GSN: variants seen among roughly 807,000 people sequenced by gnomAD.
GSN encodes the protein gelsolin, also known as actin-depolymerizing factor.
Under a neutral mutation model 85.7 loss-of-function variants are expected in GSN, and 56 were observed. The observed-to-expected ratio is 0.65, with a 90% CI of 0.53 to 0.82. The LOEUF (loss-of-function observed/expected upper bound fraction) is 0.82. GSN is among the 40% of genes least tolerant of loss of function. GSN has a pLI of 0.00. For synonymous variants in GSN, 373 were observed against 399.1 expected (o/e 0.93, Z 0.78); for missense variants, 857 against 979.8 (o/e 0.87, Z 1.67).
intron 4 of GSN, among the ~76,000 whole-genome samples, chr9:121,216,118 T>C (rs889430084): frequency 2.0e-4 from 30 of 152,186 alleles, no homozygotes; most frequent in African/African-American, 7.2e-4. Flanking sequence ...TGGCTAATTT[T>C]TGTATTTTTA....
chr9:121,323,570 A>G (rs1359853298), intron 11 of GSN, among the ~76,000 whole-genome samples: 4 of 151,898 alleles, frequency 2.6e-5, no homozygotes, highest in Non-Finnish European at 1.5e-5. Context: ...GAGTTTCACC[A>G]TGTTGGGCAG....
rs1588921844 is a variant in GSN at position 121,299,708 on chromosome 9, G to A, written c.-9-2255G>A. ...GCGCCCTGTCGGGTCGATCCGGGTG[G>A]GAACCCAGATGTCTCCAAGATCCGA... On this transcript the variant is annotated intron_variant, in intron 2 of 17. Coordinates refer to ENST00000432226, the MANE Select transcript of GSN (RefSeq NM_198252.3). This position sits in a 1 kb window ranked among gnomAD's most constrained non-coding sequence, Gnocchi z 4.2. 2 of 950,662 alleles carry A rather than the reference G, an allele frequency of 2.1e-6. No individual in the cohort carries two copies. The highest frequency in any genetic ancestry group is 2.7e-6 in the Non-Finnish European group (2 of 754,376). 58.9% of individuals were successfully genotyped at this position (950,662 alleles called of 1,614,324 possible).
At chr9:121,314,334 A>G (rs1188298029) in intron 7 of GSN, among the ~76,000 whole-genome samples, 1 of 152,250 alleles carries the variant, frequency 6.6e-6, no homozygotes, top group Non-Finnish European at 1.5e-5. Flanking sequence ...GAGTCCACAG[A>G]TAAAATGGAT....
rs1379224042 is a variant in GSN at position 121,327,492 on chromosome 9, G to A, written c.1762+10G>A. On this transcript the variant is annotated intron_variant, in intron 14 of 17. Coordinates refer to ENST00000432226, the MANE Select transcript of GSN (RefSeq NM_198252.3). ...GAAGGCAGCGAGCCAGGTAGGAGCC[G>A]GGGTGGGGGGCCTGCTGCTGTCCGG... 1.3e-5 allele frequency: 20 copies of A among 1,553,564 alleles called. No individual in the cohort carries two copies. The highest frequency in any genetic ancestry group is 3.5e-5 in the South Asian group (3 of 85,242).
At position 121,318,066 on chromosome 9, in the gene GSN, C is replaced by T. The variant is rs762146512; in HGVS notation, c.887-340C>T. Among the ~76,000 whole-genome samples the T allele has an allele frequency of 6.6e-6, 1 of 152,210 alleles. No homozygotes were observed. The highest frequency in any genetic ancestry group is 1.5e-5 in the Non-Finnish European group (1 of 68,028). On this transcript the variant is annotated intron_variant, in intron 8 of 17. Coordinates refer to ENST00000432226, the MANE Select transcript of GSN (RefSeq NM_198252.3). This position sits in a 1 kb window ranked among gnomAD's most constrained non-coding sequence, Gnocchi z 4.3. ...GTCAAGTAATTTAATCTCTCTAAGA[C>T]CCTAGCTTCCTTATAGATACTCAGA...
intron 7 of GSN, among the ~76,000 whole-genome samples, chr9:121,316,033 T>A (rs1260853388): frequency 1.3e-5 from 2 of 152,220 alleles, no homozygotes; most frequent in Non-Finnish European, 2.9e-5. Flanking sequence ...TGTAGAATAA[T>A]TATTATTTAA....
intron 4 of GSN, among the ~76,000 whole-genome samples, chr9:121,306,084 C>T (rs928158378): frequency 1.3e-5 from 2 of 152,284 alleles, no homozygotes; most frequent in Non-Finnish European, 1.5e-5. Context: ...TTCCCCGCCC[C>T]TCCTCCTCCC....
intron 4 of GSN, among the ~76,000 whole-genome samples, chr9:121,219,605 G>T (rs769032400): frequency 1.3e-5 from 2 of 152,140 alleles, no homozygotes; most frequent in Non-Finnish European, 2.9e-5. Context: ...GACCCAACAT[G>T]GCGCTGGATT....
Position 121,299,548 on chromosome 9 carries a change from C to A in GSN, c.-9-2415C>A. ...AGGTGCGGAGAGGCGAGGGGGCTCG[C>A]GTGCGTCGCAGGAGGCTCAGCTGGG... On this transcript the variant is annotated intron_variant, in intron 2 of 17. Transcript: ENST00000432226. This position sits in a 1 kb window ranked among gnomAD's most constrained non-coding sequence, Gnocchi z 4.2. 2 of 852,760 alleles carry A rather than the reference C, an allele frequency of 2.3e-6. No homozygotes were observed. The highest frequency in any genetic ancestry group is 2.8e-6 in the Non-Finnish European group (2 of 708,714). The allele number at this position is 852,760 out of a possible 1,614,324, so 52.8% of individuals were successfully genotyped here. A position where few individuals can be genotyped will look rare whatever the true frequency, so the allele number is the denominator to read the frequency against.
intron 4 of GSN, among the ~76,000 whole-genome samples, chr9:121,304,094 GC>G (rs1332341675): frequency 6.6e-6 from 1 of 152,244 alleles, no homozygotes; most frequent in South Asian, 2.1e-4. Flanking sequence ...CTGCTGATGT[GC>G]TGTGTGACCT....
At chr9:121,238,997 T>TA in intron 5 of GSN, 2 of 516,020 alleles carry the variant, frequency 3.9e-6, no homozygotes, top group South Asian at 1.4e-5. Flanking sequence ...ATCTCTCTCT[T>TA]GTGTAGCTGT....
chr9:121,307,396 C>T (rs1302521366), intron 4 of GSN, among the ~76,000 whole-genome samples: 1 of 152,144 alleles, frequency 6.6e-6, no homozygotes, highest in Non-Finnish European at 1.5e-5. Flanking sequence ...AACAGTGAGT[C>T]CTTCTAGCAC....
intron 2 of GSN, chr9:121,286,483 G>A: frequency 1.1e-6 from 1 of 907,032 alleles, no homozygotes; most frequent in Non-Finnish European, 1.6e-6. Flanking sequence ...CCAAGCCTTT[G>A]CGTCTGTTGT....
chr9:121,282,695 C>T (rs1421632001), intron 2 of GSN: 14 of 421,790 alleles, frequency 3.3e-5, no homozygotes, highest in East Asian at 3.6e-5. Flanking sequence ...CTAGTGCTGC[C>T]CTAATAGGAG....
At chr9:121,251,187 C>CTTTGTTTTTTTTTTTTTT (rs2054825282) in intron 6 of GSN, among the ~76,000 whole-genome samples, 1 of 73,044 alleles carries the variant, frequency 1.4e-5, no homozygotes, top group Admixed American at 2.4e-4. Context: ...CTGATGTGTT[C>CTTTGTTTTTTTTTTTTTT]TTTTTTTTTT....
intron 5 of GSN, among the ~76,000 whole-genome samples, chr9:121,240,539 T>C (rs1443260672): frequency 1.3e-5 from 2 of 152,260 alleles, no homozygotes; most frequent in African/African-American, 4.8e-5. Flanking sequence ...GCTTTCCAGA[T>C]GATTCTGCGT....
intron 2 of GSN, among the ~76,000 whole-genome samples, chr9:121,290,715 A>G (rs1436798234): frequency 1.3e-5 from 2 of 152,256 alleles, no homozygotes; most frequent in Non-Finnish European, 2.9e-5. Flanking sequence ...CGAAAACTGC[A>G]ATACTTTTGC....
intron 1 of GSN, among the ~76,000 whole-genome samples, chr9:121,268,523 TG>T (rs1356828581): frequency 1.3e-5 from 2 of 151,948 alleles, no homozygotes; most frequent in Non-Finnish European, 1.5e-5. Flanking sequence ...GCCCCCGGGA[TG>T]GGGGAACTGG....
At position 121,318,988 on chromosome 9, in the gene GSN, G is replaced by A. The variant is rs1363984194; in HGVS notation, c.1191+108G>A. On this transcript the variant is annotated intron_variant, in intron 10 of 17. Coordinates refer to ENST00000432226, the MANE Select transcript of GSN (RefSeq NM_198252.3). The surrounding 1 kb of genome is among the most constrained non-coding windows in gnomAD (Gnocchi z 4.3). ...TTCTCTCTGAGGTTTGCACAACTTT[G>A]GTAGCTGAGATTCTTTGGTGTTACT... 4.5e-6 allele frequency: 4 copies of A among 884,660 alleles called. No individual in the cohort carries two copies. Among genetic ancestry groups the A allele is most frequent in the African/African-American group, 1.7e-5 (1 of 60,590 alleles). The allele number at this position is 884,660 out of a possible 1,614,324, so 54.8% of individuals were successfully genotyped here. A position where few individuals can be genotyped will look rare whatever the true frequency, so the allele number is the denominator to read the frequency against.
Sources: allele counts gnomAD v4.1 joint callset (sites outside exome capture counted in the v4.1 genomes callset), GRCh38; gene constraint gnomAD v4.1.1; non-coding constraint Gnocchi (gnomAD v3.1); transcripts MANE v1.5; gene names NCBI Gene and HGNC (gene_info 2026-07-23, HGNC 2026-07-21).